FBXO21: variants seen among roughly 807,000 people sequenced by gnomAD.
FBXO21 encodes F-box only protein 21.
A neutral mutation model predicts 76.6 loss-of-function variants in FBXO21; 32 were observed. The ratio of observed to expected loss-of-function variants is 0.42; its 90% CI spans 0.32 to 0.56. The LOEUF (loss-of-function observed/expected upper bound fraction) is 0.56, where lower values mean the gene tolerates loss of function less well. Among genes scored for constraint, FBXO21 ranks in the 20% least tolerant of loss-of-function variants. The pLI is 0.16. For synonymous variants in FBXO21, 328 were observed against 311.5 expected, an observed-to-expected ratio of 1.05 and a Z score of -0.56; for missense variants, 586 against 797.3, an observed-to-expected ratio of 0.73 and a Z score of 3.19.
At chr12:117,166,446 G>C (rs894933004) in intron 8 of FBXO21, among the ~76,000 whole-genome samples, 1 of 152,102 alleles carries the variant, frequency 6.6e-6, no homozygotes, top group African/African-American at 2.4e-5. Context: ...AGGGCAGGGA[G>C]GATATGGGAA....
rs1565996939 is a variant in FBXO21, at chr12:117,155,873, G to A, written c.1593C>T (p.Asn531=). 5.0e-6 allele frequency: 8 copies of A among 1,614,196 alleles called. No homozygotes were observed. The highest frequency in any genetic ancestry group is 6.8e-6 in the Non-Finnish European group (8 of 1,180,024). ...MMGHEWIRNM[N]VHSLPHGHHQ... is the part of the protein sequence containing the mutation. ...GGTGGCCGTGCGGCAGGCTGTGGACGTTCATGTTCCGGATCCACTCGTGTC... is the reference window on the plus strand; with the variant it reads ...GGTGGCCGTGCGGCAGGCTGTGGACATTCATGTTCCGGATCCACTCGTGTC... Residue 531 remains asparagine, a synonymous_variant, in exon 11 of 12, where the codon AAC becomes AAT. Coordinates refer to ENST00000622495, the MANE Select transcript of FBXO21 (RefSeq NM_015002.3).
At chr12:117,155,977 C>T (rs111980415) in intron 10 of FBXO21, 29 bp from the exon 11 acceptor site, 51,781 of 1,604,362 alleles carry the variant, frequency 0.032, 984 homozygotes, top group South Asian at 0.045. Context: ...GCAGTCAGTC[C>T]CTGCAGACCC....
intron 10 of FBXO21, 138 bp downstream of exon 10, chr12:117,157,735 C>G: frequency 1.6e-6 from 1 of 608,338 alleles, no homozygotes; most frequent in Admixed American, 3.5e-5. Context: ...TTTCTGTCTT[C>G]CCCGCGGTGC....
intron 7 of FBXO21, among the ~76,000 whole-genome samples, chr12:117,168,341 T>C (rs929307570): frequency 3.9e-5 from 6 of 152,016 alleles, no homozygotes; most frequent in African/African-American, 9.7e-5. Flanking sequence ...CTGGCCAACA[T>C]TGTGAAACCC....
intron 9 of FBXO21, among the ~76,000 whole-genome samples, chr12:117,159,581 A>C (rs1337808335): frequency 6.6e-6 from 1 of 152,202 alleles, no homozygotes; most frequent in African/African-American, 2.4e-5. Flanking sequence ...GAATCAACAG[A>C]CAGCCAATCC....
At chr12:117,157,785 C>T in intron 10 of FBXO21, 88 bp downstream of exon 10, 1 of 1,194,278 alleles carries the variant, frequency 8.4e-7, no homozygotes, top group Non-Finnish European at 1.2e-6. Context: ...TCCTCCTCCA[C>T]TGTGTCCTGG....
chr12:117,184,271 TA>T (rs1372663700), intron 3 of FBXO21, among the ~76,000 whole-genome samples: 1 of 152,084 alleles, frequency 6.6e-6, no homozygotes, highest in Non-Finnish European at 1.5e-5. Context: ...GTTTATAAAT[TA>T]ATTTGGGGAG....
chr12:117,175,430 A>T (rs1285005460), intron 4 of FBXO21, among the ~76,000 whole-genome samples: 1 of 152,250 alleles, frequency 6.6e-6, no homozygotes, highest in Non-Finnish European at 1.5e-5. Context: ...TAATTTTGGA[A>T]GCAGAGACTG....
intron 4 of FBXO21, among the ~76,000 whole-genome samples, chr12:117,175,624 G>C (rs1956165379): frequency 6.6e-6 from 1 of 152,212 alleles, no homozygotes; most frequent in Admixed American, 6.5e-5. Flanking sequence ...ACCAGCCAGG[G>C]ACTGTCTCCT....
chr12:117,148,449 C>A (rs1955803339), intron 11 of FBXO21, among the ~76,000 whole-genome samples: 1 of 152,248 alleles, frequency 6.6e-6, no homozygotes, highest in African/African-American at 2.4e-5. Flanking sequence ...TGAAAATGAG[C>A]AACCTGTTTG....
At chr12:117,176,573 G>T (rs1956175588) in intron 4 of FBXO21, among the ~76,000 whole-genome samples, 1 of 152,104 alleles carries the variant, frequency 6.6e-6, no homozygotes, top group African/African-American at 2.4e-5. Flanking sequence ...TAATGGGGCT[G>T]GCACTGGTAT....
At chr12:117,177,466 C>T in intron 4 of FBXO21, 54 bp downstream of exon 4, 1 of 1,541,422 alleles carries the variant, frequency 6.5e-7, no homozygotes, top group East Asian at 2.3e-5. Flanking sequence ...TCTTAAAAAA[C>T]TAATCAGTTA....
chr12:117,150,871 C>CTGTGTG (rs372253197), intron 11 of FBXO21, among the ~76,000 whole-genome samples: 4,779 of 127,658 alleles, frequency 0.037, 386 homozygotes, highest in African/African-American at 0.13. Context: ...TGGCCATGGA[C>CTGTGTG]TGTGTGTGTG....
chr12:117,167,098 C>G (rs1391771481), intron 7 of FBXO21, 21 bp from the exon 8 acceptor site: 2 of 1,595,618 alleles, frequency 1.3e-6, no homozygotes, highest in Non-Finnish European at 1.7e-6. Context: ...AGCCAAATAT[C>G]AGATGAGAGC....
At chr12:117,182,343 A>C (rs886599713) in intron 3 of FBXO21, among the ~76,000 whole-genome samples, 2 of 152,144 alleles carry the variant, frequency 1.3e-5, no homozygotes, top group Non-Finnish European at 2.9e-5. Context: ...AATAAAAATT[A>C]GCCAGGCATG....
At position 117,142,041 on chromosome 12, in the gene FBXO21, A is replaced by T. The variant is rs1955722802; in HGVS notation, c.*4046T>A. 6.6e-6 allele frequency: 1 copy of T among 152,226 alleles called. No homozygotes were observed. The highest frequency in any genetic ancestry group is 2.4e-5 in the African/African-American group (1 of 41,464). 9.4% of individuals were successfully genotyped at this position (152,226 alleles called of 1,614,324 possible). ...GAACTAGCAGAGCCCTAATACAGTC[A>T]TTGCTACGTGGCCATAATACATGTA... On this transcript the variant is annotated 3_prime_UTR_variant, in exon 12 of 12. Coordinates refer to ENST00000622495, the MANE Select transcript of FBXO21 (RefSeq NM_015002.3).
intron 3 of FBXO21, among the ~76,000 whole-genome samples, chr12:117,182,201 TAA>T (rs927417835): frequency 6.6e-6 from 1 of 152,224 alleles, no homozygotes; most frequent in African/African-American, 2.4e-5. Context: ...TTCTATCATT[TAA>T]AAACAACCTT....
chr12:117,179,281 A>C (rs1396120175), intron 3 of FBXO21, among the ~76,000 whole-genome samples: 2 of 152,240 alleles, frequency 1.3e-5, no homozygotes, highest in Non-Finnish European at 2.9e-5. Flanking sequence ...AAAACTTTGC[A>C]AACGGCCAAG....
At chr12:117,149,184 G>T (rs1040391826) in intron 11 of FBXO21, among the ~76,000 whole-genome samples, 7 of 152,028 alleles carry the variant, frequency 4.6e-5, no homozygotes, top group African/African-American at 1.7e-4. Flanking sequence ...CTTTTTTGTA[G>T]AGACAGGGTC....
Sources: allele counts gnomAD v4.1 joint callset (sites outside exome capture counted in the v4.1 genomes callset), GRCh38; gene constraint gnomAD v4.1.1; transcripts MANE v1.5; gene names NCBI Gene and HGNC (gene_info 2026-07-23, HGNC 2026-07-21).